Variants in ITGBL1 observed in about 807,000 individuals in gnomAD.
ITGBL1 encodes the protein integrin subunit beta like 1, also known as integrin beta-like protein 1.
A neutral mutation model predicts 68.5 loss-of-function variants in ITGBL1; 51 were observed. The observed-to-expected ratio is 0.74, with a 90% CI of 0.59 to 0.94. The LOEUF (loss-of-function observed/expected upper bound fraction) is 0.94. ITGBL1 is among the 40% of genes least tolerant of loss of function. The pLI is 0.00. For synonymous variants in ITGBL1, 209 were observed against 227.3 expected (o/e 0.92, Z 0.72); for missense variants, 649 against 647.4 (o/e 1.00, Z -0.03).
At chr13:101,453,239 T>C (rs1197636165) in intron 1 of ITGBL1, among the ~76,000 whole-genome samples, 4 of 152,210 alleles carry the variant, frequency 2.6e-5, no homozygotes, top group Admixed American at 2.0e-4. Context: ...TCTCACAACA[T>C]GTAAAGCAGA....
At chr13:101,628,599 AT>A (rs34600896) in intron 7 of ITGBL1, among the ~76,000 whole-genome samples, 53 of 140,718 alleles carry the variant, frequency 3.8e-4, no homozygotes, top group Non-Finnish European at 4.3e-4. Context: ...TACCCAGCTA[AT>A]TTTTTTTTTT....
At chr13:101,671,023 G>A (rs549669036) in intron 7 of ITGBL1, among the ~76,000 whole-genome samples, 27 of 152,260 alleles carry the variant, frequency 1.8e-4, no homozygotes, top group East Asian at 1.3e-3. Flanking sequence ...GAACCCTGCA[G>A]AGTTCAAATT....
intron 7 of ITGBL1, among the ~76,000 whole-genome samples, chr13:101,604,804 TAGA>T (rs1298495929): frequency 2.3e-5 from 3 of 131,916 alleles, no homozygotes; most frequent in Non-Finnish European, 3.2e-5. Flanking sequence ...AAAAAAATCC[TAGA>T]AGAATATACT....
chr13:101,664,668 T>C (rs890417973), intron 7 of ITGBL1, among the ~76,000 whole-genome samples: 1 of 152,146 alleles, frequency 6.6e-6, no homozygotes, highest in Non-Finnish European at 1.5e-5. Flanking sequence ...TGAACCTGTT[T>C]GTGGTGTTTC....
intron 8 of ITGBL1, among the ~76,000 whole-genome samples, chr13:101,700,861 T>C (rs2034120409): frequency 6.6e-6 from 1 of 152,210 alleles, no homozygotes; most frequent in Non-Finnish European, 1.5e-5. Context: ...CACTGAACCC[T>C]TCCCTGACTA....
chr13:101,588,082 G>T (rs1265258017), intron 6 of ITGBL1, among the ~76,000 whole-genome samples: 1 of 152,312 alleles, frequency 6.6e-6, no homozygotes, highest in East Asian at 1.9e-4. Context: ...TAACTCCAAA[G>T]AACACAATAG....
intron 7 of ITGBL1, among the ~76,000 whole-genome samples, chr13:101,638,514 G>C (rs1166801825): frequency 6.6e-6 from 1 of 152,156 alleles, no homozygotes; most frequent in Non-Finnish European, 1.5e-5. Context: ...ATGTACAAAA[G>C]AAAGAGGTTT....
intron 7 of ITGBL1, among the ~76,000 whole-genome samples, chr13:101,662,828 A>AT (rs11383148): frequency 0.43 from 65,445 of 151,116 alleles, 14,463 homozygotes; most frequent in African/African-American, 0.52. Flanking sequence ...GATAGTCAAT[A>AT]TTTTTTTTTC....
chr13:101,590,066 G>C (rs1460517301), intron 6 of ITGBL1, among the ~76,000 whole-genome samples: 1 of 152,156 alleles, frequency 6.6e-6, no homozygotes, highest in Non-Finnish European at 1.5e-5. Context: ...GAGAATAAAG[G>C]TGAAAGACCG....
At chr13:101,503,057 C>T (rs372323904) in intron 2 of ITGBL1, among the ~76,000 whole-genome samples, 1 of 152,142 alleles carries the variant, frequency 6.6e-6, no homozygotes, top group Non-Finnish European at 1.5e-5. Flanking sequence ...TGTTCAAACT[C>T]ACACAAAATT....
At chr13:101,532,187 G>A (rs547810757) in intron 2 of ITGBL1, among the ~76,000 whole-genome samples, 1 of 152,130 alleles carries the variant, frequency 6.6e-6, no homozygotes, top group South Asian at 2.1e-4. Flanking sequence ...TCATATGGTT[G>A]CTGTTGAATA....
chr13:101,519,006 T>C (rs2049240025), intron 2 of ITGBL1, among the ~76,000 whole-genome samples: 2 of 152,186 alleles, frequency 1.3e-5, no homozygotes, highest in African/African-American at 4.8e-5. Flanking sequence ...GTAATTGTTG[T>C]AAAGACAGAT....
intron 2 of ITGBL1, among the ~76,000 whole-genome samples, chr13:101,546,107 A>G (rs970291204): frequency 6.6e-6 from 1 of 152,218 alleles, no homozygotes; most frequent in Non-Finnish European, 1.5e-5. Flanking sequence ...GCTTTGAGTG[A>G]CAGAGTTCAT....
chr13:101,598,365 C>A (rs538018459), intron 7 of ITGBL1, 66 bp downstream of exon 7: 2 of 1,215,202 alleles, frequency 1.6e-6, no homozygotes, highest in East Asian at 6.0e-5. Context: ...TCAATGCACA[C>A]ACATCTTTTT....
intron 8 of ITGBL1, among the ~76,000 whole-genome samples, chr13:101,701,791 A>G (rs1423099574): frequency 1.3e-5 from 2 of 152,174 alleles, no homozygotes; most frequent in East Asian, 3.9e-4. Context: ...TAGAGTAGTC[A>G]GATATATAGA....
At chr13:101,648,337 G>C (rs1594953102) in intron 7 of ITGBL1, among the ~76,000 whole-genome samples, 2 of 152,160 alleles carry the variant, frequency 1.3e-5, no homozygotes, top group South Asian at 2.1e-4. Flanking sequence ...GAATTCAAAA[G>C]ATATTTAGAA....
At chr13:101,657,351 C>T (rs2032957872) in intron 7 of ITGBL1, among the ~76,000 whole-genome samples, 1 of 151,798 alleles carries the variant, frequency 6.6e-6, no homozygotes, top group African/African-American at 2.4e-5. Flanking sequence ...AAACATATTC[C>T]CTCTTTAATC....
chr13:101,606,174 T>TATATATATATATATATATATATATATA (rs1555361917), intron 7 of ITGBL1, among the ~76,000 whole-genome samples: 3 of 138,044 alleles, frequency 2.2e-5, no homozygotes, highest in African/African-American at 8.1e-5. Context: ...ATTAGGATTT[T>TATATATATATATATATATATATATATA]TATATATATA....
intron 2 of ITGBL1, among the ~76,000 whole-genome samples, chr13:101,540,033 C>G (rs1405893397): frequency 6.6e-6 from 1 of 152,176 alleles, no homozygotes; most frequent in Non-Finnish European, 1.5e-5. Context: ...GCTTATTTTG[C>G]TGTGCAGAAG....
Sources: gnomAD v4.1 joint callset for allele counts (sites outside exome capture counted in the v4.1 genomes callset) on GRCh38, gnomAD v4.1.1 for gene constraint, MANE v1.5 for transcripts, NCBI Gene and HGNC (gene_info 2026-07-23, HGNC 2026-07-21) for gene names.